KCNH5: variants seen among roughly 807,000 people sequenced by gnomAD.
KCNH5 encodes the protein voltage-gated delayed rectifier potassium channel KCNH5.
A neutral mutation model predicts 96.1 loss-of-function variants in KCNH5; 46 were observed. The ratio of observed to expected loss-of-function variants is 0.48; its 90% CI spans 0.38 to 0.61. The LOEUF (loss-of-function observed/expected upper bound fraction) is 0.61, where lower values mean the gene tolerates loss of function less well. Among genes scored for constraint, KCNH5 ranks in the 20% least tolerant of loss-of-function variants. The pLI is 0.00. For synonymous variants in KCNH5, 439 were observed against 449.8 expected (o/e 0.98, Z 0.30); for missense variants, 907 against 1,225.8 (o/e 0.74, Z 3.88).
At chr14:62,847,720 G>A (rs1379738485) in intron 8 of KCNH5, among the ~76,000 whole-genome samples, 1 of 151,730 alleles carries the variant, frequency 6.6e-6, no homozygotes, top group East Asian at 1.9e-4. Flanking sequence ...TTTAATATTA[G>A]TCTCCCCATA....
intron 7 of KCNH5, among the ~76,000 whole-genome samples, chr14:62,908,782 A>ATTT (rs71120241): frequency 0.047 from 1,114 of 23,736 alleles, 287 homozygotes; most frequent in Middle Eastern, 0.091. Flanking sequence ...TTTGCTTTGT[A>ATTT]TTTTTTTTTT....
At chr14:62,783,018 A>G (rs910805145) in intron 9 of KCNH5, among the ~76,000 whole-genome samples, 28 of 152,216 alleles carry the variant, frequency 1.8e-4, no homozygotes, top group Admixed American at 1.6e-3. Context: ...GAAATTTATA[A>G]TTGCCAAAAA....
chr14:62,771,743 T>C (rs1409425986), intron 10 of KCNH5, among the ~76,000 whole-genome samples: 1 of 152,164 alleles, frequency 6.6e-6, no homozygotes, highest in Non-Finnish European at 1.5e-5. Context: ...TTTGACATCA[T>C]TTTTATCAAC....
intron 10 of KCNH5, among the ~76,000 whole-genome samples, chr14:62,754,103 T>C (rs1480265331): frequency 6.6e-6 from 1 of 152,076 alleles, no homozygotes; most frequent in Non-Finnish European, 1.5e-5. Flanking sequence ...AGCACAGAGA[T>C]GCAGTTAAAA....
rs1245801495 is a variant in KCNH5, at chr14:62,703,166, T to C, written c.*4342A>G. The C allele has an allele frequency of 1.3e-5, 2 of 151,942 alleles. No homozygotes were observed. The highest frequency in any genetic ancestry group is 1.3e-4 in the Admixed American group (2 of 15,262). 9.4% of individuals were successfully genotyped at this position (151,942 alleles called of 1,614,324 possible). A position where few individuals can be genotyped will look rare whatever the true frequency, so the allele number is the denominator to read the frequency against. Reference sequence around the variant, plus strand: ...GAGCTTCATTCTTTCCACGTTTATTTGATTTGTAGTTCTAAATTCCCACAT... The same window carrying C: ...GAGCTTCATTCTTTCCACGTTTATTCGATTTGTAGTTCTAAATTCCCACAT... On this transcript the variant is annotated 3_prime_UTR_variant, in exon 11 of 11. Transcript: ENST00000322893.
intron 7 of KCNH5, among the ~76,000 whole-genome samples, chr14:62,864,085 C>T (rs1441955514): frequency 2.6e-5 from 4 of 152,102 alleles, no homozygotes; most frequent in African/African-American, 9.7e-5. Context: ...AGGCAAAATT[C>T]CTAGAAACAT....
Position 63,036,937 on chromosome 14 carries a change from C to T in KCNH5, c.73+8177G>A, listed in dbSNP as rs374961667. Among the ~76,000 whole-genome samples, 7 of 152,102 alleles carry T rather than the reference C, an allele frequency of 4.6e-5. No homozygotes were observed. The South Asian group carries it at 1.0e-3, about 23-fold the overall frequency. On this transcript the variant is annotated intron_variant, in intron 1 of 10. Coordinates refer to ENST00000322893, the MANE Select transcript of KCNH5 (RefSeq NM_139318.5). ...GATCTTAAGATTTACGAGAAGAATG[C>T]GCACTCATAATTTTCTAGGAATTTT...
intron 10 of KCNH5, among the ~76,000 whole-genome samples, chr14:62,748,395 C>T (rs574267308): frequency 5.9e-5 from 9 of 152,280 alleles, no homozygotes; most frequent in Middle Eastern, 3.4e-3. Context: ...ACTCCCAAGT[C>T]GGGGTCTGTT....
chr14:62,817,951 C>G (rs1887027365), intron 8 of KCNH5, among the ~76,000 whole-genome samples: 1 of 149,164 alleles, frequency 6.7e-6, no homozygotes, highest in Admixed American at 6.7e-5. Context: ...TGGAATCTTG[C>G]CATTTGTGAA....
intron 1 of KCNH5, among the ~76,000 whole-genome samples, chr14:63,025,864 A>AG (rs1359022348): frequency 1.9e-4 from 29 of 151,982 alleles, no homozygotes; most frequent in African/African-American, 6.3e-4. Context: ...GAAAAAAAAA[A>AG]TCCTAAAGTT....
chr14:62,832,821 C>G (rs1887383645), intron 8 of KCNH5, among the ~76,000 whole-genome samples: 1 of 152,134 alleles, frequency 6.6e-6, no homozygotes, highest in African/African-American at 2.4e-5. Context: ...CAGGTAATAT[C>G]TCACTGTGGT....
chr14:62,796,438 C>T (rs1407502651), intron 9 of KCNH5, among the ~76,000 whole-genome samples: 1 of 152,166 alleles, frequency 6.6e-6, no homozygotes, highest in Non-Finnish European at 1.5e-5. Flanking sequence ...TTTTTCCCAA[C>T]CCCATAACAA....
intron 7 of KCNH5, among the ~76,000 whole-genome samples, chr14:62,934,656 A>C (rs972425745): frequency 3.9e-5 from 6 of 152,172 alleles, no homozygotes; most frequent in Non-Finnish European, 8.8e-5. Context: ...TTTCAAGAGG[A>C]GTGTGGTAAC....
At chr14:62,998,871 C>T (rs1890959189) in intron 4 of KCNH5, among the ~76,000 whole-genome samples, 1 of 152,044 alleles carries the variant, frequency 6.6e-6, no homozygotes, top group Admixed American at 6.6e-5. Flanking sequence ...AGAATGTTAT[C>T]TCTCTGGTGA....
intron 7 of KCNH5, among the ~76,000 whole-genome samples, chr14:62,912,773 A>G (rs780684878): frequency 6.6e-6 from 1 of 152,238 alleles, no homozygotes; most frequent in African/African-American, 2.4e-5. Flanking sequence ...ATAGTTAAAT[A>G]TAAAATTAAT....
rs868244331 is a variant in KCNH5, at chr14:62,818,347, T to C, written c.1570-15766A>G. ...TCACATTGCACACTTTGAATACATA[T>C]AATTTTTGTCAATTATACCTCAATA... On this transcript the variant is annotated intron_variant, in intron 8 of 10. Transcript: ENST00000322893. Among the ~76,000 whole-genome samples the C allele has an allele frequency of 2.0e-5, 3 of 152,246 alleles. No individual in the cohort carries two copies. In the Middle Eastern group the frequency reaches 0.01, roughly 518 times the overall value.
intron 7 of KCNH5, among the ~76,000 whole-genome samples, chr14:62,936,939 C>T (rs1437719803): frequency 1.4e-5 from 2 of 139,814 alleles, no homozygotes; most frequent in African/African-American, 5.5e-5. Flanking sequence ...GGAGATCACA[C>T]CATTGCACTC....
At chr14:62,975,875 A>G (rs1227178306) in intron 6 of KCNH5, among the ~76,000 whole-genome samples, 1 of 152,206 alleles carries the variant, frequency 6.6e-6, no homozygotes, top group African/African-American at 2.4e-5. Context: ...CCTGTTAAAG[A>G]GACTTTCAGA....
chr14:62,790,196 A>C (rs1418510651), intron 9 of KCNH5, among the ~76,000 whole-genome samples: 1 of 151,784 alleles, frequency 6.6e-6, no homozygotes, highest in African/African-American at 2.4e-5. Context: ...ACCCTTGTTG[A>C]AAATTAGTTG....
Sources: allele counts gnomAD v4.1 joint callset (sites outside exome capture counted in the v4.1 genomes callset), GRCh38; gene constraint gnomAD v4.1.1; transcripts MANE v1.5; gene names NCBI Gene and HGNC (gene_info 2026-07-23, HGNC 2026-07-21).